The following RUFY3 variants were observed in gnomAD, a reference collection of about 807,000 sequenced individuals.
The protein encoded by RUFY3 is protein RUFY3.
Under a neutral mutation model 84.0 loss-of-function variants are expected in RUFY3, and 34 were observed. The ratio of observed to expected loss-of-function variants is 0.40; its 90% CI spans 0.31 to 0.54. RUFY3 has a LOEUF of 0.54. Among genes scored for constraint, RUFY3 ranks in the 20% least tolerant of loss-of-function variants. The probability of loss-of-function intolerance (pLI) is 0.39; values close to 1 mark genes in which losing one functional copy is unlikely to be tolerated. For synonymous variants in RUFY3, 242 were observed against 252.9 expected, an observed-to-expected ratio of 0.96 and a Z score of 0.41; for missense variants, 507 against 736.8, an observed-to-expected ratio of 0.69 and a Z score of 3.61.
At chr4:70,738,045 A>T (rs902645826) in intron 1 of RUFY3, among the ~76,000 whole-genome samples, 2 of 142,188 alleles carry the variant, frequency 1.4e-5, no homozygotes, top group African/African-American at 5.3e-5. Flanking sequence ...TGCAAGTGGT[A>T]CAATCTCAGC....
intron 4 of RUFY3, among the ~76,000 whole-genome samples, chr4:70,765,951 C>T (rs1404919363): frequency 4.0e-5 from 6 of 151,804 alleles, no homozygotes; most frequent in South Asian, 2.1e-4. Flanking sequence ...TTAGTAGAGA[C>T]GGGGTTTCAC....
chr4:70,708,349 T>G (rs1740584386), intron 1 of RUFY3, among the ~76,000 whole-genome samples: 1 of 151,748 alleles, frequency 6.6e-6, no homozygotes, highest in African/African-American at 2.4e-5. Context: ...TTTTTTTTTG[T>G]ATTTTAGTAG....
At chr4:70,730,935 C>T (rs1430828967) in intron 1 of RUFY3, among the ~76,000 whole-genome samples, 1 of 152,066 alleles carries the variant, frequency 6.6e-6, no homozygotes, top group Non-Finnish European at 1.5e-5. Flanking sequence ...GACATATTTG[C>T]AGAAGTTTTA....
At position 70,729,764 on chromosome 4, in the gene RUFY3, C is replaced by T. The variant is rs1194601143; in HGVS notation, c.178+7013C>T. The stretch of plus-strand genomic sequence containing the variant: ...TTTATATTTCTATTTTTATATCTAT[C>T]TTTATAGAGTAGTCTGAACAAGTTA... On this transcript the variant is annotated intron_variant, in intron 1 of 17. Transcript: ENST00000381006. 2.6e-5 allele frequency among the ~76,000 whole-genome samples: 4 copies of T among 152,122 alleles called. No homozygotes were observed. In the East Asian group the frequency reaches 7.7e-4, roughly 29 times the overall value.
chr4:70,729,934 CG>C (rs1349103293), intron 1 of RUFY3, among the ~76,000 whole-genome samples: 1 of 118,934 alleles, frequency 8.4e-6, no homozygotes, highest in African/African-American at 3.0e-5. Context: ...TTGTTTCTTT[CG>C]TTTTTTTTTT....
intron 1 of RUFY3, among the ~76,000 whole-genome samples, chr4:70,710,934 G>A (rs1256153950): frequency 6.6e-6 from 1 of 151,162 alleles, no homozygotes; most frequent in Non-Finnish European, 1.5e-5. Flanking sequence ...GTATGGTAGT[G>A]CACGCCTGTA....
In RUFY3 at chr4:70,758,681, CACTT is replaced by C. The variant is rs375322079; in HGVS notation, c.179-3836_179-3833del. On this transcript the variant is annotated intron_variant, in intron 1 of 17. Transcript: ENST00000381006. ...TAATTAGCATATCTCTTGCCTCAAACACTTATTTATTAATTTTGGGAATATTCAA... is the reference window on the plus strand; with the variant it reads ...TAATTAGCATATCTCTTGCCTCAAACATTTATTAATTTTGGGAATATTCAA... 8.6e-4 allele frequency among the ~76,000 whole-genome samples: 130 copies of C among 151,792 alleles called. No individual in the cohort carries two copies. In the South Asian group the frequency reaches 0.026, roughly 30 times the overall value.
chr4:70,708,390 A>G (rs1713960239), intron 1 of RUFY3, among the ~76,000 whole-genome samples: 1 of 151,880 alleles, frequency 6.6e-6, no homozygotes, highest in Admixed American at 6.6e-5. Flanking sequence ...CTCTCGAACT[A>G]GACTCAAGTG....
At chr4:70,722,790 C>A in intron 1 of RUFY3, 39 bp downstream of exon 1, 3 of 1,585,976 alleles carry the variant, frequency 1.9e-6, no homozygotes, top group Non-Finnish European at 2.6e-6. Context: ...TCACCAGCAT[C>A]CTCATTGTTA....
intron 1 of RUFY3, among the ~76,000 whole-genome samples, chr4:70,759,356 T>TTG (rs1553911985): frequency 3.5e-4 from 42 of 119,910 alleles, no homozygotes; most frequent in African/African-American, 1.3e-3. Context: ...ATGGCTGAAT[T>TTG]TGTGTGTGTG....
chr4:70,787,297 A>AC, intron 10 of RUFY3, among the ~76,000 whole-genome samples: 1 of 136,322 alleles, frequency 7.3e-6, no homozygotes, highest in East Asian at 2.1e-4. Context: ...TTGCTCTGCC[A>AC]CCCAGGCTGA....
chr4:70,729,773 G>A (rs1211516648), intron 1 of RUFY3, among the ~76,000 whole-genome samples: 2 of 152,064 alleles, frequency 1.3e-5, no homozygotes, highest in Non-Finnish European at 2.9e-5. Context: ...TCTTTATAGA[G>A]TAGTCTGAAC....
chr4:70,738,796 T>G (rs1256514571), intron 1 of RUFY3, among the ~76,000 whole-genome samples: 1 of 150,822 alleles, frequency 6.6e-6, no homozygotes, highest in Non-Finnish European at 1.5e-5. Context: ...TATTTATTTT[T>G]GGGTCTCACT....
intron 4 of RUFY3, among the ~76,000 whole-genome samples, chr4:70,767,580 A>G (rs962954630): frequency 2.0e-4 from 30 of 152,224 alleles, no homozygotes; most frequent in African/African-American, 7.2e-4. Context: ...ATACCAAGGA[A>G]TGCAATAGTT....
chr4:70,797,217 A>G lies in RUFY3; in HGVS notation c.1557+2323A>G, dbSNP rs577147865. On this transcript the variant is annotated intron_variant, in intron 14 of 17. Coordinates refer to ENST00000381006, the MANE Select transcript of RUFY3 (RefSeq NM_001037442.4). Reference sequence around the variant, plus strand: ...CTCAGCCTCCCAAAGTGCTAGGATGACAGGCATGAGCCACCGTGCCCAGCC... The same window carrying G: ...CTCAGCCTCCCAAAGTGCTAGGATGGCAGGCATGAGCCACCGTGCCCAGCC... 1.2e-3 allele frequency among the ~76,000 whole-genome samples: 184 copies of G among 152,200 alleles called. 1 individual carries two copies. The highest frequency in any genetic ancestry group is 6.8e-3 in the Middle Eastern group (2 of 294).
Position 70,768,437 on chromosome 4 carries a change from A to G in RUFY3, c.573-101A>G, listed in dbSNP as rs111880951. ...TTTTTGTAGATGGCTATAATCAACC[A>G]TGATGACTATGATTCAACCATGAAT... On this transcript the variant is annotated intron_variant, in intron 4 of 17. Coordinates refer to ENST00000381006, the MANE Select transcript of RUFY3 (RefSeq NM_001037442.4). 5 of 1,070,128 alleles carry G rather than the reference A, an allele frequency of 4.7e-6. No homozygotes were observed. The African/African-American group carries it at 4.7e-5, about 10-fold the overall frequency. The allele number at this position is 1,070,128 out of a possible 1,614,324, so 66.3% of individuals were successfully genotyped here. A position where few individuals can be genotyped will look rare whatever the true frequency, so the allele number is the denominator to read the frequency against.
At chr4:70,794,035 A>T (rs1275805087) in intron 13 of RUFY3, 131 bp downstream of exon 13, 5 of 986,234 alleles carry the variant, frequency 5.1e-6, no homozygotes, top group Non-Finnish European at 7.3e-6. Context: ...TGGAATTGGA[A>T]TTCAGAAAGC....
intron 1 of RUFY3, among the ~76,000 whole-genome samples, chr4:70,730,126 G>A (rs1560458754): frequency 6.6e-6 from 1 of 151,750 alleles, no homozygotes; most frequent in Non-Finnish European, 1.5e-5. Context: ...GTAGAGACAG[G>A]TTTTCACCAT....
At chr4:70,716,378 T>G (rs1283453769) in intron 1 of RUFY3, among the ~76,000 whole-genome samples, 2 of 151,632 alleles carry the variant, frequency 1.3e-5, no homozygotes, top group Admixed American at 6.6e-5. Flanking sequence ...TCTCCTGACC[T>G]CAAGTGGTCC....
Sources: gnomAD v4.1 joint callset for allele counts (sites outside exome capture counted in the v4.1 genomes callset) on GRCh38, gnomAD v4.1.1 for gene constraint, MANE v1.5 for transcripts, NCBI Gene and HGNC (gene_info 2026-07-23, HGNC 2026-07-21) for gene names.